The following HTR2C variants were observed in gnomAD, a reference collection of about 807,000 sequenced individuals.
The protein encoded by HTR2C is 5-hydroxytryptamine receptor 2C.
HTR2C carries 5 observed loss-of-function variants against 21.0 expected under a neutral mutation model. That is an observed-to-expected ratio of 0.24 (90% CI 0.12 to 0.50). HTR2C has a LOEUF of 0.50. HTR2C is among the 20% of genes least tolerant of loss of function. HTR2C has a pLI of 0.98. For missense variants in HTR2C, 271 were observed against 371.2 expected, an observed-to-expected ratio of 0.73 and a Z score of 2.22; for synonymous variants, 150 against 145.3, an observed-to-expected ratio of 1.03 and a Z score of -0.23.
intron 2 of HTR2C, among the ~76,000 whole-genome samples, chrX:114,629,158 G>A (rs1556403634): frequency 3.6e-5 from 4 of 111,518 alleles, no homozygotes. Context: ...AAACAGAAAC[G>A]GGTTAATTTG....
intron 1 of HTR2C, chrX:114,589,817 C>T: frequency 3.2e-6 from 1 of 316,000 alleles, no homozygotes; most frequent in South Asian, 3.5e-5. Context: ...GAATATTGTG[C>T]TAAGGCTTGA....
intron 1 of HTR2C, among the ~76,000 whole-genome samples, chrX:114,604,512 G>A (rs899381994): frequency 3.6e-5 from 4 of 109,870 alleles, no homozygotes; most frequent in Non-Finnish European, 7.6e-5. Context: ...CCCGAAGCTC[G>A]GCATCTGTGA....
rs781914515 is a variant in HTR2C at position 114,701,859 on chromosome X, C to G, written c.-79-24999C>G. On this transcript the variant is annotated intron_variant, in intron 2 of 5. Coordinates refer to ENST00000276198, the MANE Select transcript of HTR2C (RefSeq NM_000868.4). ...ACTAGAATAACCAATACAGAGAAGTCCTTAAAGGAGCTGATGGAGCTGAAA... is the reference window on the plus strand; with the variant it reads ...ACTAGAATAACCAATACAGAGAAGTGCTTAAAGGAGCTGATGGAGCTGAAA... 7.7e-3 allele frequency among the ~76,000 whole-genome samples: 851 copies of G among 111,193 alleles called. 14 individuals are homozygous for G. The highest frequency in any genetic ancestry group is 0.026 in the African/African-American group (798 of 30,632).
chrX:114,897,796 C>G (rs986911023), intron 5 of HTR2C, among the ~76,000 whole-genome samples: 6 of 112,415 alleles, frequency 5.3e-5, no homozygotes, highest in African/African-American at 6.5e-5. Flanking sequence ...TTTCTTTATC[C>G]AATCTATCAT....
intron 4 of HTR2C, among the ~76,000 whole-genome samples, chrX:114,743,940 G>A (rs1485007242): frequency 9.0e-6 from 1 of 111,691 alleles, no homozygotes; most frequent in African/African-American, 3.3e-5. Flanking sequence ...TACATACTAC[G>A]TGTCCATTTA....
intron 5 of HTR2C, among the ~76,000 whole-genome samples, chrX:114,887,691 A>G (rs1186882633): frequency 1.8e-5 from 2 of 111,057 alleles, no homozygotes; most frequent in Admixed American, 1.9e-4. Context: ...TGAATATGCT[A>G]TCCCATCACT....
At chrX:114,660,822 T>A (rs965185211) in intron 2 of HTR2C, among the ~76,000 whole-genome samples, 2 of 112,057 alleles carry the variant, frequency 1.8e-5, no homozygotes, top group African/African-American at 6.5e-5. Flanking sequence ...CAAATTATAG[T>A]GAATGGTGCT....
rs781853327 is a variant in HTR2C at position 114,833,289 on chromosome X, T to A, written c.350-14714T>A. Among the ~76,000 whole-genome samples, 729 of 100,469 alleles carry A rather than the reference T, an allele frequency of 7.3e-3. 1 individual carries two copies. The highest frequency in any genetic ancestry group is 0.012 in the Non-Finnish European group (587 of 48,970). The allele number at this position is 100,469 out of a possible 115,157, so 87.2% of individuals were successfully genotyped here. ...CAGAAGGAATGGTACCAGTTCCTCC[T>A]TGTACCTCTGGTAGAATTCGCCTGT... On this transcript the variant is annotated intron_variant, in intron 4 of 5. Coordinates refer to ENST00000276198, the MANE Select transcript of HTR2C (RefSeq NM_000868.4).
intron 4 of HTR2C, among the ~76,000 whole-genome samples, chrX:114,845,230 A>C (rs1458236528): frequency 3.6e-5 from 4 of 111,267 alleles, no homozygotes. Flanking sequence ...AAACTAAAAA[A>C]TTTACAAATA....
chrX:114,867,825 G>A (rs1383923006), intron 5 of HTR2C, among the ~76,000 whole-genome samples: 1 of 111,016 alleles, frequency 9.0e-6, no homozygotes, highest in African/African-American at 3.3e-5. Flanking sequence ...TAGCTGTGTA[G>A]ATTCGTTTCT....
At chrX:114,666,263 A>G (rs1392679234) in intron 2 of HTR2C, among the ~76,000 whole-genome samples, 2 of 112,033 alleles carry the variant, frequency 1.8e-5, no homozygotes, top group East Asian at 2.8e-4. Context: ...CTTTGCTTCA[A>G]CTGTCTGTAT....
intron 5 of HTR2C, among the ~76,000 whole-genome samples, chrX:114,878,705 A>G (rs930093717): frequency 1.8e-5 from 2 of 110,792 alleles, no homozygotes; most frequent in Non-Finnish European, 3.8e-5. Context: ...CAATCCTTTT[A>G]ACTTTATTAA....
chrX:114,892,106 A>G (rs781994952), intron 5 of HTR2C, among the ~76,000 whole-genome samples: 3 of 111,789 alleles, frequency 2.7e-5, no homozygotes, highest in Admixed American at 9.5e-5. Context: ...CTGTACATCT[A>G]TGTACATAAA....
At chrX:114,837,289 A>G (rs1183826348) in intron 4 of HTR2C, among the ~76,000 whole-genome samples, 1 of 112,198 alleles carries the variant, frequency 8.9e-6, no homozygotes, top group Non-Finnish European at 1.9e-5. Context: ...CATAGTTGAT[A>G]TCACAAGTAA....
chrX:114,721,835 C>T (rs368884175), intron 2 of HTR2C, among the ~76,000 whole-genome samples: 9 of 108,498 alleles, frequency 8.3e-5, no homozygotes, highest in Non-Finnish European at 1.5e-4. Context: ...TGTAGGTATG[C>T]GGCGTTATTT....
rs186226598 is a variant in HTR2C at position 114,775,814 on chromosome X, T to C, written c.349+44207T>C. ...AATCTGTGACTTGTCTAGTTTGACA[T>C]CTCGAATGGCTTTTTATACAGGGCC... On this transcript the variant is annotated intron_variant, in intron 4 of 5. Transcript: ENST00000276198. The C allele has an allele frequency of 3.5e-4, 140 of 398,147 alleles. 2 individuals carry two copies. The highest frequency in any genetic ancestry group is 3.3e-3 in the African/African-American group (132 of 39,514). The allele number at this position is 398,147 out of a possible 1,213,427, so 32.8% of individuals were successfully genotyped here.
At chrX:114,797,113 G>A (rs1452836550) in intron 4 of HTR2C, among the ~76,000 whole-genome samples, 2 of 111,517 alleles carry the variant, frequency 1.8e-5, no homozygotes, top group Non-Finnish European at 3.8e-5. Context: ...GCAGTAATTT[G>A]TCTTGAAAGA....
intron 5 of HTR2C, among the ~76,000 whole-genome samples, chrX:114,866,477 A>G (rs781820683): frequency 9.0e-6 from 1 of 110,686 alleles, no homozygotes; most frequent in East Asian, 2.8e-4. Flanking sequence ...CTGTCTTCTC[A>G]AGCATTTATC....
intron 5 of HTR2C, among the ~76,000 whole-genome samples, chrX:114,902,269 C>T (rs782355022): frequency 9.0e-6 from 1 of 111,549 alleles, no homozygotes; most frequent in South Asian, 3.7e-4. Context: ...AAACTTAACA[C>T]ATTTGCTGAA....
Sources: gnomAD v4.1 joint callset for allele counts (sites outside exome capture counted in the v4.1 genomes callset) on GRCh38, gnomAD v4.1.1 for gene constraint, MANE v1.5 for transcripts, NCBI Gene and HGNC (gene_info 2026-07-23, HGNC 2026-07-21) for gene names.